The following CD180 variants were observed in gnomAD, a reference collection of about 807,000 sequenced individuals.
CD180 encodes the protein CD180 antigen.
A neutral mutation model predicts 10.7 loss-of-function variants in CD180; 11 were observed. That is an observed-to-expected ratio of 1.03 (90% CI 0.65 to 1.70). The LOEUF (loss-of-function observed/expected upper bound fraction) is 1.70, where lower values mean the gene tolerates loss of function less well. CD180 is among the 40% of genes most tolerant of loss of function. CD180 has a pLI of 0.00. For missense variants in CD180, 729 were observed against 775.2 expected (o/e 0.94, Z 0.71); for synonymous variants, 286 against 294.6 (o/e 0.97, Z 0.30).
At chr5:67,190,641 C>T (rs556336389) in intron 1 of CD180, among the ~76,000 whole-genome samples, 1 of 152,364 alleles carries the variant, frequency 6.6e-6, no homozygotes, top group African/African-American at 2.4e-5. Flanking sequence ...TTGCCTCATG[C>T]CCATCACTAT....
intron 1 of CD180, among the ~76,000 whole-genome samples, chr5:67,187,269 C>T (rs1303669286): frequency 6.6e-6 from 1 of 152,100 alleles, no homozygotes; most frequent in East Asian, 1.9e-4. Flanking sequence ...TTATGATTGT[C>T]GAATATTGAG....
rs1218416331 is a variant in CD180 at position 67,196,699 on chromosome 5, A to G, written c.-58T>C. On this transcript the variant is annotated 5_prime_UTR_variant, in exon 1 of 3. It removes the in-frame stop codon of an upstream open reading frame in the 5' UTR. Coordinates refer to ENST00000256447, the MANE Select transcript of CD180 (RefSeq NM_005582.3). ...ATGCTTGGAGCTGAGAAATGGAATCAAACTGTGAAGGCCCTGGCAATTTGG... is the reference window on the plus strand; with the variant it reads ...ATGCTTGGAGCTGAGAAATGGAATCGAACTGTGAAGGCCCTGGCAATTTGG... The G allele has an allele frequency of 2.5e-6, 4 of 1,611,862 alleles. No individual in the cohort carries two copies. The highest frequency in any genetic ancestry group is 3.4e-6 in the Non-Finnish European group (4 of 1,178,894).
Position 67,183,331 on chromosome 5 carries a change from G to C in CD180, c.1512C>G (p.Ser504=). The change falls in exon 3 of 3, where the codon TCC becomes TCG. Residue 504 remains serine, a synonymous_variant. Coordinates refer to ENST00000256447, the MANE Select transcript of CD180 (RefSeq NM_005582.3). ...GGTCTATAGAGAGGAGACCACAAGA[G>C]GACAAAATCAGAACCTCCAAGCTGC... ...TVGSLEVLIL[S]SCGLLSIDQQ... The C allele has an allele frequency of 6.2e-7, 1 of 1,614,198 alleles. No individual in the cohort carries two copies. The highest frequency in any genetic ancestry group is 1.3e-5 in the African/African-American group (1 of 75,060).
chr5:67,193,194 C>T (rs1199625590), intron 1 of CD180, among the ~76,000 whole-genome samples: 3 of 152,166 alleles, frequency 2.0e-5, no homozygotes, highest in African/African-American at 4.8e-5. Flanking sequence ...AACTTTTATT[C>T]ACAGGCTTAA....
At position 67,184,129 on chromosome 5, in the gene CD180, T is replaced by C. The variant is rs368540751; in HGVS notation, c.714A>G (p.Ile238Met). 1.6e-4 allele frequency: 259 copies of C among 1,614,062 alleles called. 1 individual carries two copies. The Admixed American group carries it at 4.2e-3, about 26-fold the overall frequency. ...NFGGTPNLSV[I>M]FNGLQNSTTQ... ...TAGTAGAGTTCTGCAGACCATTGAATATAACAGACAAATTTGGAGTTCCTC... is the reference window on the plus strand; with the variant it reads ...TAGTAGAGTTCTGCAGACCATTGAACATAACAGACAAATTTGGAGTTCCTC... Residue 238 changes from isoleucine to methionine, a missense_variant, in exon 3 of 3, where the codon ATA (isoleucine) becomes ATG (methionine). Physicochemically the swap from Ile to Met is conservative, Grantham distance 10. Transcript: ENST00000256447.
Position 67,179,733 on chromosome 5 carries a change from G to C in CD180, c.*3124C>G, listed in dbSNP as rs1361759398. ...TTTACAGATATTGCCTGTGTTCAAGGGCTGTGCTGTACTAAGCAGTGGCTG... is the reference window on the plus strand; with the variant it reads ...TTTACAGATATTGCCTGTGTTCAAGCGCTGTGCTGTACTAAGCAGTGGCTG... On this transcript the variant is annotated 3_prime_UTR_variant, in exon 3 of 3. Transcript: ENST00000256447. The C allele has an allele frequency of 6.6e-6, 1 of 152,206 alleles. No individual in the cohort carries two copies. The highest frequency in any genetic ancestry group is 1.5e-5 in the Non-Finnish European group (1 of 68,054). 9.4% of individuals were successfully genotyped at this position (152,206 alleles called of 1,614,324 possible). A position where few individuals can be genotyped will look rare whatever the true frequency, so the allele number is the denominator to read the frequency against.
At position 67,183,021 on chromosome 5, in the gene CD180, C is replaced by A; in HGVS notation, c.1822G>T (p.Ala608Ser). Reference protein sequence around the residue: ...KLEGSEETTCANPPSLRGVKL... With the variant: ...KLEGSEETTCSNPPSLRGVKL... Reference sequence around the variant, plus strand: ...ACTCCCCTTAGAGATGGCGGGTTTGCACACGTGGTCTCCTCCGAGCCTTCA... The same window carrying A: ...ACTCCCCTTAGAGATGGCGGGTTTGAACACGTGGTCTCCTCCGAGCCTTCA... The change falls in exon 3 of 3, where the codon GCA (alanine) becomes TCA (serine). Residue 608 changes from alanine (A) to serine (S), a missense_variant. Physicochemically the swap from Ala to Ser is moderately conservative, Grantham distance 99. Transcript: ENST00000256447. 6.2e-7 allele frequency: 1 copy of A among 1,614,210 alleles called. No homozygotes were observed. The highest frequency in any genetic ancestry group is 8.5e-7 in the Non-Finnish European group (1 of 1,180,022).
chr5:67,189,063 TA>T (rs1404293461), intron 1 of CD180, among the ~76,000 whole-genome samples: 1 of 152,198 alleles, frequency 6.6e-6, no homozygotes, highest in Non-Finnish European at 1.5e-5. Flanking sequence ...AGGTGCTGAT[TA>T]GCTTAGAGGA....
At chr5:67,195,213 G>A (rs970496952) in intron 1 of CD180, among the ~76,000 whole-genome samples, 12 of 152,044 alleles carry the variant, frequency 7.9e-5, no homozygotes, top group Non-Finnish European at 1.5e-4. Context: ...GTTTTTTGGT[G>A]TATTTTTGGT....
intron 1 of CD180, chr5:67,190,910 A>G (rs945783664): frequency 1.4e-5 from 14 of 984,904 alleles, no homozygotes; most frequent in Non-Finnish European, 1.6e-5. Context: ...GGAACTCTGA[A>G]TTTCACTCAA....
At chr5:67,196,489 C>T (rs950420677) in intron 1 of CD180, 63 bp downstream of exon 1, 228 of 1,515,960 alleles carry the variant, frequency 1.5e-4, no homozygotes, top group Non-Finnish European at 2.0e-4. Flanking sequence ...GATTGGACTG[C>T]GTGCTAAATC....
Position 67,182,999 on chromosome 5 carries a change from C to A in CD180, c.1844G>T (p.Gly615Val), listed in dbSNP as rs1191367964. The change falls in exon 3 of 3, where the codon GGA (glycine) becomes GTA (valine). Residue 615 changes from glycine (G) to valine (V), a missense_variant. Transcript: ENST00000256447. ...AAGCTTGACATCAGATAGCTTAACTCCCCTTAGAGATGGCGGGTTTGCACA... is the reference window on the plus strand; with the variant it reads ...AAGCTTGACATCAGATAGCTTAACTACCCTTAGAGATGGCGGGTTTGCACA... ...TTCANPPSLR[G>V]VKLSDVKLSC... 1 of 1,614,102 alleles carries A rather than the reference C, an allele frequency of 6.2e-7. No homozygotes were observed. The highest frequency in any genetic ancestry group is 2.2e-5 in the East Asian group (1 of 44,902).
rs1742141559 is a variant in CD180, at chr5:67,184,493, G to A, written c.350C>T (p.Ala117Val). The change falls in exon 3 of 3, where the codon GCA becomes GTA. Residue 117 changes from alanine (A) to valine (V), a missense_variant. Coordinates refer to ENST00000256447, the MANE Select transcript of CD180 (RefSeq NM_005582.3). ...CTTGGGCCCATTAAGCGATGTTTCT[G>A]CCATGAATATCAGGGGATTTCCAGT... is the stretch of plus-strand genomic sequence containing the variant. Reference protein sequence around the residue: ...VLTGNPLIFMAETSLNGPKSL... With the variant: ...VLTGNPLIFMVETSLNGPKSL... 1.9e-6 allele frequency: 3 copies of A among 1,613,954 alleles called. No individual in the cohort carries two copies. The highest frequency in any genetic ancestry group is 1.3e-5 in the African/African-American group (1 of 74,914).
intron 1 of CD180, among the ~76,000 whole-genome samples, chr5:67,190,531 C>T (rs1054183490): frequency 3.3e-5 from 5 of 152,236 alleles, no homozygotes; most frequent in Non-Finnish European, 5.9e-5. Flanking sequence ...GTCCCTTTCT[C>T]ACCTCTCTGC....
chr5:67,193,389 C>T (rs1029586268), intron 1 of CD180, among the ~76,000 whole-genome samples: 1 of 152,186 alleles, frequency 6.6e-6, no homozygotes, highest in African/African-American at 2.4e-5. Context: ...TTAGCCACCC[C>T]TCCTTTTATC....
In CD180 at chr5:67,184,600, C is replaced by T. The variant is rs775880360; in HGVS notation, c.258-15G>A. 1.4e-5 allele frequency: 22 copies of T among 1,557,544 alleles called. No homozygotes were observed. The highest frequency in any genetic ancestry group is 6.8e-5 in the East Asian group (3 of 43,964). ...TAATCTGGCACCTTGAAAAGATAATCGTATTTAACAATAATTCATTTGAAA... is the reference window on the plus strand; with the variant it reads ...TAATCTGGCACCTTGAAAAGATAATTGTATTTAACAATAATTCATTTGAAA... On this transcript the variant is annotated splice_polypyrimidine_tract_variant and intron_variant, in intron 2 of 2. Transcript: ENST00000256447.
Position 67,184,088 on chromosome 5 carries a change from A to T in CD180, c.755T>A (p.Leu252Gln). ...GTCATCAATGTCCTCAAATGTTCCC[A>T]GCCAGAGAGACTGAGTAGTAGAGTT... ...LQNSTTQSLW[L>Q]GTFEDIDDED... Residue 252 changes from leucine to glutamine, a missense_variant, in exon 3 of 3, where the codon CTG (leucine) becomes CAG (glutamine). Transcript: ENST00000256447. The T allele has an allele frequency of 6.2e-7, 1 of 1,614,228 alleles. No homozygotes were observed. Among genetic ancestry groups the T allele is most frequent in the Non-Finnish European group, 8.5e-7 (1 of 1,180,042 alleles).
intron 1 of CD180, among the ~76,000 whole-genome samples, chr5:67,191,735 A>G (rs1742308816): frequency 1.3e-5 from 2 of 152,236 alleles, no homozygotes; most frequent in Admixed American, 1.3e-4. Flanking sequence ...AGGGACACAA[A>G]CATTCACAGA....
chr5:67,192,857 T>C (rs1255502263), intron 1 of CD180, among the ~76,000 whole-genome samples: 1 of 152,190 alleles, frequency 6.6e-6, no homozygotes, highest in Non-Finnish European at 1.5e-5. Context: ...AGGTCACACA[T>C]GTACTCTGAG....
Sources: allele counts gnomAD v4.1 joint callset (sites outside exome capture counted in the v4.1 genomes callset), GRCh38; gene constraint gnomAD v4.1.1; transcripts MANE v1.5; gene names NCBI Gene and HGNC (gene_info 2026-07-23, HGNC 2026-07-21).